Variants in KPNA2 observed in about 807,000 individuals in gnomAD.
The protein encoded by KPNA2 is importin subunit alpha-1.
A neutral mutation model predicts 53.7 loss-of-function variants in KPNA2; 20 were observed. That is an observed-to-expected ratio of 0.37 (90% CI 0.26 to 0.54). The LOEUF (loss-of-function observed/expected upper bound fraction) is 0.54. KPNA2 is among the 20% of genes least tolerant of loss of function. The pLI, the probability that KPNA2 is intolerant of heterozygous loss-of-function variation, is 0.83. For missense variants in KPNA2, 515 were observed against 640.3 expected, an observed-to-expected ratio of 0.80 and a Z score of 2.11; for synonymous variants, 238 against 227.5, an observed-to-expected ratio of 1.05 and a Z score of -0.42.
intron 4 of KPNA2, 50 bp downstream of exon 4, chr17:68,040,816 A>G: frequency 2.0e-6 from 2 of 998,938 alleles, no homozygotes; most frequent in Admixed American, 2.4e-5. Flanking sequence ...TTGTGTTTTT[A>G]GATTTTTTTT....
chr17:68,038,987 G>A (rs2071221629), intron 3 of KPNA2, among the ~76,000 whole-genome samples: 1 of 149,866 alleles, frequency 6.7e-6, no homozygotes, highest in South Asian at 2.1e-4. Flanking sequence ...TGCACCCCAT[G>A]CTGGGTGACA....
chr17:68,044,815 C>T (rs1414778124), intron 9 of KPNA2, among the ~76,000 whole-genome samples: 2 of 152,148 alleles, frequency 1.3e-5, no homozygotes, highest in Non-Finnish European at 2.9e-5. Flanking sequence ...AATGACTTGG[C>T]CAGGCACGGT....
intron 5 of KPNA2, among the ~76,000 whole-genome samples, 178 bp downstream of exon 5, chr17:68,042,531 G>A (rs879993749): frequency 5.3e-5 from 8 of 152,208 alleles, no homozygotes; most frequent in Non-Finnish European, 1.0e-4. Flanking sequence ...AAGTTTGGGA[G>A]TTTTTGCTGG....
chr17:68,043,128 C>T lies in KPNA2; in HGVS notation c.695C>T (p.Thr232Ile). The change falls in exon 7 of 11, where the codon ACA becomes ATA. Residue 232 changes from threonine to isoleucine, a missense_variant. By Grantham distance (89) the Thr-to-Ile change is moderately conservative (BLOSUM62 -1). Transcript: ENST00000330459. ...ACGYLRNLTW[T>I]LSNLCRNKNP... ...GGCTACTTACGTAATCTTACCTGGA[C>T]ACTTTCTAATCTTTGCCGCAACAAG... The T allele has an allele frequency of 6.2e-7, 1 of 1,614,098 alleles. No homozygotes were observed.
In KPNA2 at chr17:68,041,970, A is replaced by G; in HGVS notation, c.303-115A>G. 3.6e-6 allele frequency: 3 copies of G among 835,976 alleles called. No individual in the cohort carries two copies. The South Asian group carries it at 5.3e-5, about 15-fold the overall frequency. 51.8% of individuals were successfully genotyped at this position (835,976 alleles called of 1,614,324 possible). ...AGAATGTCTCAGCATTTAGTGATTT[A>G]CTTAAAAGGTTGTCTGAAGTTCTAA... On this transcript the variant is annotated intron_variant, in intron 4 of 10. Coordinates refer to ENST00000330459, the MANE Select transcript of KPNA2 (RefSeq NM_002266.4).
At chr17:68,040,217 C>T (rs564805807) in intron 3 of KPNA2, among the ~76,000 whole-genome samples, 1 of 151,036 alleles carries the variant, frequency 6.6e-6, no homozygotes, top group African/African-American at 2.4e-5. Context: ...ATTTTTGAGA[C>T]AAGGTCTTGT....
At chr17:68,045,697 C>A in intron 9 of KPNA2, 75 bp from the exon 10 acceptor site, 2 of 1,106,514 alleles carry the variant, frequency 1.8e-6, no homozygotes, top group South Asian at 2.0e-5. Flanking sequence ...TATCAATATT[C>A]AAATTATTGA....
At chr17:68,041,171 C>T (rs2071255533) in intron 4 of KPNA2, among the ~76,000 whole-genome samples, 1 of 152,220 alleles carries the variant, frequency 6.6e-6, no homozygotes, top group Non-Finnish European at 1.5e-5. Flanking sequence ...TGACCTTTAC[C>T]TCCCACTATA....
rs1490070791 is a variant in KPNA2, at chr17:68,035,783, C to G, written c.-81C>G. The G allele has an allele frequency of 3.9e-5, 6 of 152,658 alleles. No individual in the cohort carries two copies. Among genetic ancestry groups the G allele is most frequent in the Non-Finnish European group, 8.8e-5 (6 of 68,432 alleles). 9.5% of individuals were successfully genotyped at this position (152,658 alleles called of 1,614,324 possible). Reference sequence around the variant, plus strand: ...GGTGGACCCTTTGAACGCAGTCGCCCTACAGCCGCTGATTCCCCCCGCATC... The same window carrying G: ...GGTGGACCCTTTGAACGCAGTCGCCGTACAGCCGCTGATTCCCCCCGCATC... On this transcript the variant is annotated 5_prime_UTR_variant, in exon 1 of 11. Coordinates refer to ENST00000330459, the MANE Select transcript of KPNA2 (RefSeq NM_002266.4).
At chr17:68,040,589 T>C in intron 3 of KPNA2, 89 bp from the exon 4 acceptor site, 1 of 828,116 alleles carries the variant, frequency 1.2e-6, no homozygotes, top group Non-Finnish European at 2.1e-6. Flanking sequence ...AGCCTAACGA[T>C]GTTTACACTT....
intron 3 of KPNA2, among the ~76,000 whole-genome samples, chr17:68,038,889 C>T (rs1555704123): frequency 6.6e-6 from 1 of 151,988 alleles, no homozygotes; most frequent in Admixed American, 6.6e-5. Flanking sequence ...GTGGCGCCGG[C>T]CTTTAGTCCT....
Position 68,042,965 on chromosome 17 carries a change from C to T in KPNA2, c.632C>T (p.Ala211Val), listed in dbSNP as rs782267149. 1.2e-6 allele frequency: 2 copies of T among 1,613,444 alleles called. No homozygotes were observed. The highest frequency in any genetic ancestry group is 1.7e-6 in the Non-Finnish European group (2 of 1,179,770). Residue 211 changes from alanine (A) to valine (V), a missense_variant, in exon 6 of 11, where the codon GCT becomes GTT. Transcript: ENST00000330459. ...TACGGTGCAGTTGACCCACTGTTGG[C>T]TCTCCTTGCAGTTCCTGATATGTCA... The part of the protein sequence containing the change: ...IKYGAVDPLL[A>V]LLAVPDMSSL...
In KPNA2 at chr17:68,042,199, A is replaced by T; in HGVS notation, c.417A>T (p.Glu139Asp). 6.2e-7 allele frequency: 1 copy of T among 1,614,040 alleles called. No homozygotes were observed. Among genetic ancestry groups the T allele is most frequent in the South Asian group, 1.1e-5 (1 of 91,076 alleles). Residue 139 changes from glutamate (E) to aspartate (D), a missense_variant, in exon 5 of 11, where the codon GAA (glutamate) becomes GAT (aspartate). Physicochemically the swap from Glu to Asp is conservative, Grantham distance 45. Transcript: ENST00000330459. ...CTGATTGTAGTCCCATTCAGTTTGA[A>T]TCTGCTTGGGCACTCACTAACATTG... is the stretch of plus-strand genomic sequence containing the variant. ...GRTDCSPIQFESAWALTNIAS... is the reference protein window; with the variant it reads ...GRTDCSPIQFDSAWALTNIAS...
At chr17:68,043,454 A>G in intron 7 of KPNA2, 91 bp downstream of exon 7, 2 of 1,328,616 alleles carry the variant, frequency 1.5e-6, no homozygotes, top group Non-Finnish European at 2.1e-6. Flanking sequence ...GTGTAATCCC[A>G]GCACTTTGGG....
rs78746494 is a variant in KPNA2 at position 68,045,755 on chromosome 17, ATTTT to A, written c.1348-6_1348-3del. The A allele has an allele frequency of 9.8e-6, 13 of 1,322,556 alleles. No homozygotes were observed. The highest frequency in any genetic ancestry group is 3.0e-5 in the South Asian group (2 of 67,290). 81.9% of individuals were successfully genotyped at this position (1,322,556 alleles called of 1,614,324 possible). ...CCAGAGTATATGCCAGTAAACTTGG[ATTTT>A]TTTTTTTTTTAGGCTGCTGAGAAAC... is the stretch of plus-strand genomic sequence containing the variant. On this transcript the variant is annotated splice_polypyrimidine_tract_variant and intron_variant, in intron 9 of 10. Coordinates refer to ENST00000330459, the MANE Select transcript of KPNA2 (RefSeq NM_002266.4).
In KPNA2 at chr17:68,043,955, A is replaced by G. The variant is rs2071296815; in HGVS notation, c.1048A>G (p.Asn350Asp). 1 of 1,613,800 alleles carries G rather than the reference A, an allele frequency of 6.2e-7. No individual in the cohort carries two copies. The highest frequency in any genetic ancestry group is 1.3e-5 in the African/African-American group (1 of 74,894). Reference sequence around the variant, plus strand: ...CAGCCTGCTCACCAACCCCAAAACTAACATTCAGAAGGAAGCTACGTGGAC... The same window carrying G: ...CAGCCTGCTCACCAACCCCAAAACTGACATTCAGAAGGAAGCTACGTGGAC... ...FPSLLTNPKT[N>D]IQKEATWTMS... Residue 350 changes from asparagine (N) to aspartate (D), a missense_variant, in exon 8 of 11, where the codon AAC (asparagine) becomes GAC (aspartate). Asn to Asp is a conservative substitution (Grantham distance 23). Coordinates refer to ENST00000330459, the MANE Select transcript of KPNA2 (RefSeq NM_002266.4).
chr17:68,046,249 C>T (rs1460893007), intron 10 of KPNA2, among the ~76,000 whole-genome samples: 2 of 152,152 alleles, frequency 1.3e-5, no homozygotes, highest in East Asian at 1.9e-4. Context: ...GGGCCTAATA[C>T]AGTCTTTTCC....
intron 3 of KPNA2, 57 bp from the exon 4 acceptor site, chr17:68,040,621 T>C: frequency 2.6e-6 from 3 of 1,170,280 alleles, no homozygotes; most frequent in South Asian, 2.5e-5. Context: ...TAAGTGTGGA[T>C]TTTATTGTTT....
chr17:68,039,918 C>CAA (rs782243176), intron 3 of KPNA2, among the ~76,000 whole-genome samples: 4 of 138,330 alleles, frequency 2.9e-5, no homozygotes, highest in African/African-American at 1.1e-4. Context: ...ACTAAAAATA[C>CAA]AAAAAAAAAA....
Sources: allele counts gnomAD v4.1 joint callset (sites outside exome capture counted in the v4.1 genomes callset), GRCh38; gene constraint gnomAD v4.1.1; transcripts MANE v1.5; gene names NCBI Gene and HGNC (gene_info 2026-07-23, HGNC 2026-07-21).